Variants in ADAM12 observed in about 807,000 individuals in gnomAD.
The protein encoded by ADAM12 is ADAM metallopeptidase domain 12.
A neutral mutation model predicts 106.4 loss-of-function variants in ADAM12; 70 were observed. That is an observed-to-expected ratio of 0.66 (90% CI 0.54 to 0.80). ADAM12 has a LOEUF of 0.80. ADAM12 is among the 30% of genes least tolerant of loss of function. The pLI, the probability that ADAM12 is intolerant of heterozygous loss-of-function variation, is 0.00. For missense variants in ADAM12, 1,010 were observed against 1,171.9 expected (o/e 0.86, Z 2.02); for synonymous variants, 420 against 433.5 (o/e 0.97, Z 0.39).
At chr10:126,267,746 A>G (rs6597756) in intron 3 of ADAM12, among the ~76,000 whole-genome samples, 143,706 of 151,866 alleles carry the variant, frequency 0.95, 68,512 homozygotes, top group East Asian at 1. Flanking sequence ...ACGTCAGAGA[A>G]GGTATTGGGG....
chr10:126,013,081 TCTG>T lies in ADAM12; in HGVS notation c.*4195_*4197del, dbSNP rs1953597460. On this transcript the variant is annotated 3_prime_UTR_variant, in exon 23 of 23. Transcript: ENST00000448723. This position sits in a 1 kb window ranked among gnomAD's most constrained non-coding sequence, Gnocchi z 4.3. ...GAGAATTACTTTGTATGTTAAATCT[TCTG>T]GCCATCATTATCCATTATTGGATAT... 1 of 152,242 alleles carries T rather than the reference TCTG, an allele frequency of 6.6e-6. No homozygotes were observed. Among genetic ancestry groups the T allele is most frequent in the Admixed American group, 6.5e-5 (1 of 15,288 alleles). The allele number at this position is 152,242 out of a possible 1,614,324, so 9.4% of individuals were successfully genotyped here. A position where few individuals can be genotyped will look rare whatever the true frequency, so the allele number is the denominator to read the frequency against.
intron 2 of ADAM12, among the ~76,000 whole-genome samples, chr10:126,281,018 A>G (rs1219620514): frequency 1.3e-5 from 2 of 152,120 alleles, no homozygotes; most frequent in African/African-American, 4.8e-5. Flanking sequence ...CCTTACAGGT[A>G]TTTGCTTTCG....
At chr10:126,082,362 TG>T (rs1382918380) in intron 11 of ADAM12, among the ~76,000 whole-genome samples, 3 of 122,756 alleles carry the variant, frequency 2.4e-5, no homozygotes, top group African/African-American at 9.6e-5. Flanking sequence ...ATCTAATGAC[TG>T]TTTTTTTTTT....
At chr10:126,371,192 G>A (rs1414404716) in intron 1 of ADAM12, among the ~76,000 whole-genome samples, 1 of 152,226 alleles carries the variant, frequency 6.6e-6, no homozygotes, top group Non-Finnish European at 1.5e-5. Context: ...TGGTGAGAAT[G>A]TATGAGAAGC....
intron 1 of ADAM12, among the ~76,000 whole-genome samples, chr10:126,385,134 A>C (rs1856618435): frequency 6.6e-6 from 1 of 152,240 alleles, no homozygotes; most frequent in Non-Finnish European, 1.5e-5. Flanking sequence ...GAAGAGATGC[A>C]AAGGGCAGAG....
At chr10:126,108,536 C>G in intron 8 of ADAM12, 57 bp downstream of exon 8, 1 of 1,524,124 alleles carries the variant, frequency 6.6e-7, no homozygotes. Flanking sequence ...GGTCCCCCAA[C>G]CTCATTTCCA....
intron 1 of ADAM12, among the ~76,000 whole-genome samples, chr10:126,369,347 A>G (rs1856029774): frequency 6.6e-6 from 1 of 152,238 alleles, no homozygotes. Flanking sequence ...CTCTGTCACC[A>G]CAGAGCTTAA....
intron 14 of ADAM12, among the ~76,000 whole-genome samples, chr10:126,062,971 C>T (rs1329657709): frequency 2.0e-5 from 3 of 152,242 alleles, no homozygotes; most frequent in African/African-American, 4.8e-5. Flanking sequence ...AGTCACTAAA[C>T]CATGTCAAGC....
intron 21 of ADAM12, among the ~76,000 whole-genome samples, chr10:126,025,287 A>G (rs1256894036): frequency 6.6e-6 from 1 of 152,186 alleles, no homozygotes; most frequent in East Asian, 1.9e-4. Flanking sequence ...CAATTCAAAG[A>G]AGCTAGGAAT....
chr10:126,230,705 T>C (rs1462306127), intron 3 of ADAM12, among the ~76,000 whole-genome samples: 1 of 152,266 alleles, frequency 6.6e-6, no homozygotes, highest in African/African-American at 2.4e-5. Flanking sequence ...TCTTAAGCCC[T>C]TTTTAAATTC....
At position 126,388,276 on chromosome 10, in the gene ADAM12, C is replaced by G; in HGVS notation, c.-131G>C. 1 of 1,155,024 alleles carries G rather than the reference C, an allele frequency of 8.7e-7. No individual in the cohort carries two copies. The highest frequency in any genetic ancestry group is 1.1e-6 in the Non-Finnish European group (1 of 932,122). The allele number at this position is 1,155,024 out of a possible 1,614,324, so 71.5% of individuals were successfully genotyped here. A position where few individuals can be genotyped will look rare whatever the true frequency, so the allele number is the denominator to read the frequency against. On this transcript the variant is annotated 5_prime_UTR_variant, in exon 1 of 23. Transcript: ENST00000448723. This position sits in a 1 kb window ranked among gnomAD's most constrained non-coding sequence, Gnocchi z 4.4. ...TGCCTCGGCGAGTCAGCTCCGGAGCCCTCGCGCAGCGCCCGCGCCGCCGCT... is the reference window on the plus strand; with the variant it reads ...TGCCTCGGCGAGTCAGCTCCGGAGCGCTCGCGCAGCGCCCGCGCCGCCGCT...
At chr10:126,308,826 T>C (rs1026649636) in intron 2 of ADAM12, among the ~76,000 whole-genome samples, 2 of 152,210 alleles carry the variant, frequency 1.3e-5, no homozygotes, top group African/African-American at 4.8e-5. Context: ...TGTGATGTCT[T>C]GGAGACCCTT....
rs982178685 is a variant in ADAM12, at chr10:126,253,773, C to A, written c.260+25142G>T. Among the ~76,000 whole-genome samples, 3 of 152,184 alleles carry A rather than the reference C, an allele frequency of 2.0e-5. No individual in the cohort carries two copies. The South Asian group carries it at 6.2e-4, about 31-fold the overall frequency. ...AGGGCTTGTAGGGACCAGGGCAGAG[C>A]CTGGGATAAGCAGGGAATGAGATGC... is the stretch of plus-strand genomic sequence containing the variant. On this transcript the variant is annotated intron_variant, in intron 3 of 22. Transcript: ENST00000448723.
At chr10:126,071,754 C>T in intron 11 of ADAM12, 100 bp from the exon 12 acceptor site, 1 of 1,294,586 alleles carries the variant, frequency 7.7e-7, no homozygotes. Flanking sequence ...CACATCTGCC[C>T]AGGTGTTCAC....
intron 6 of ADAM12, among the ~76,000 whole-genome samples, chr10:126,113,714 AT>A (rs1565067749): frequency 0.031 from 2,687 of 86,424 alleles, 244 homozygotes; most frequent in South Asian, 0.049. Context: ...ATATATATAT[AT>A]ATATATATAT....
intron 1 of ADAM12, 85 bp from the exon 2 acceptor site, chr10:126,330,594 G>T: frequency 8.4e-7 from 1 of 1,194,866 alleles, no homozygotes; most frequent in African/African-American, 1.5e-5. Context: ...ATGACACAGT[G>T]AAAATATTTG....
chr10:126,161,449 A>G (rs1956932533), intron 3 of ADAM12, among the ~76,000 whole-genome samples: 1 of 152,222 alleles, frequency 6.6e-6, no homozygotes, highest in South Asian at 2.1e-4. Flanking sequence ...TGGCGCTACC[A>G]GACCTTACAG....
intron 9 of ADAM12, among the ~76,000 whole-genome samples, chr10:126,098,841 A>G (rs1305128690): frequency 6.6e-6 from 1 of 152,244 alleles, no homozygotes; most frequent in Non-Finnish European, 1.5e-5. Flanking sequence ...AAATAGTCAC[A>G]GAGAATCACT....
rs532800700 is a variant in ADAM12 at position 126,042,079 on chromosome 10, G to A, written c.2104+961C>T. 1.6e-3 allele frequency: 2,527 copies of A among 1,593,588 alleles called. 6 individuals carry two copies. The highest frequency in any genetic ancestry group is 2.2e-3 in the Middle Eastern group (11 of 5,050). On this transcript the variant is annotated intron_variant, in intron 18 of 22. Coordinates refer to ENST00000448723, the MANE Select transcript of ADAM12 (RefSeq NM_001288973.2). ...GCCAGTCACAGGAGGCCTTGGGGAC[G>A]CGTGACCTCCTCTGCAGCAGCACTG...
Sources: allele counts gnomAD v4.1 joint callset (sites outside exome capture counted in the v4.1 genomes callset), GRCh38; gene constraint gnomAD v4.1.1; non-coding constraint Gnocchi (gnomAD v3.1); transcripts MANE v1.5; gene names NCBI Gene and HGNC (gene_info 2026-07-23, HGNC 2026-07-21).